Variants in THNSL1 observed in about 807,000 individuals in gnomAD.
THNSL1 encodes threonine synthase like 1, also known as threonine synthase-like 1.
Under a neutral mutation model 50.4 loss-of-function variants are expected in THNSL1, and 48 were observed. That is an observed-to-expected ratio of 0.95 (90% confidence interval 0.76 to 1.21). The LOEUF (loss-of-function observed/expected upper bound fraction) is 1.21. Ranked by LOEUF, THNSL1 falls within the 50% of genes most tolerant of loss-of-function variation. The probability of loss-of-function intolerance (pLI) is 0.00; values close to 1 mark genes in which losing one functional copy is unlikely to be tolerated. For missense variants in THNSL1, 896 were observed against 871.7 expected (o/e 1.03, Z -0.35); for synonymous variants, 309 against 306.1 (o/e 1.01, Z -0.10).
chr10:25,004,639 A>C, the THNSL1 span, among the ~76,000 whole-genome samples: 3 of 152,042 alleles, frequency 2.0e-5, no homozygotes, highest in East Asian at 1.9e-4. Flanking sequence ...AATTTGTTTA[A>C]GTTTCTTATA....
At position 25,025,559 on chromosome 10, in the gene THNSL1, CTA is replaced by C. The variant is rs1850833907; in HGVS notation, c.*108_*109del. The C allele has an allele frequency of 2.7e-6, 3 of 1,124,906 alleles. No homozygotes were observed. The highest frequency in any genetic ancestry group is 1.6e-5 in the African/African-American group (1 of 63,058). 69.7% of individuals were successfully genotyped at this position (1,124,906 alleles called of 1,614,324 possible). A position where few individuals can be genotyped will look rare whatever the true frequency, so the allele number is the denominator to read the frequency against. ...CATTTTGTCTTTTATGTAAATATCT[CTA>C]TATCTGTTTGGAATTTCAAAAGTCT... On this transcript the variant is annotated 3_prime_UTR_variant, in exon 3 of 3. Coordinates refer to ENST00000376356, the MANE Select transcript of THNSL1 (RefSeq NM_024838.5).
chr10:24,984,720 A>G, the THNSL1 span: 1 of 1,586,752 alleles, frequency 6.3e-7, no homozygotes, highest in Middle Eastern at 1.7e-4. Context: ...GTTATACTTT[A>G]AAGATCCATT....
chr10:25,010,162 TAA>T, the THNSL1 span, among the ~76,000 whole-genome samples: 2 of 152,230 alleles, frequency 1.3e-5, no homozygotes, highest in African/African-American at 4.8e-5. Context: ...TTGATAGCAA[TAA>T]AGACAATAAA....
At chr10:24,975,264 C>T in the THNSL1 span, among the ~76,000 whole-genome samples, 5 of 152,216 alleles carry the variant, frequency 3.3e-5, no homozygotes, top group African/African-American at 9.6e-5. Flanking sequence ...AAGGTTTGTC[C>T]TCAGTATTGG....
At chr10:24,958,592 G>C in the THNSL1 span, among the ~76,000 whole-genome samples, 1 of 152,316 alleles carries the variant, frequency 6.6e-6, no homozygotes, top group African/African-American at 2.4e-5. Flanking sequence ...TCTCTTGTTT[G>C]AAGCAGACTG....
the THNSL1 span, among the ~76,000 whole-genome samples, chr10:24,963,601 A>G: frequency 6.6e-6 from 1 of 152,210 alleles, no homozygotes; most frequent in African/African-American, 2.4e-5. Flanking sequence ...GACATTACAC[A>G]TGTTCTAAAA....
At position 25,021,870 on chromosome 10, in the gene THNSL1, G is replaced by C. The variant is rs1850725592; in HGVS notation, c.-87G>C. The C allele has an allele frequency of 6.6e-6, 1 of 152,176 alleles. No individual in the cohort carries two copies. Among genetic ancestry groups the C allele is most frequent in the Non-Finnish European group, 1.5e-5 (1 of 67,994 alleles). 9.4% of individuals were successfully genotyped at this position (152,176 alleles called of 1,614,324 possible). A position where few individuals can be genotyped will look rare whatever the true frequency, so the allele number is the denominator to read the frequency against. On this transcript the variant is annotated 5_prime_UTR_variant, in exon 2 of 3. Coordinates refer to ENST00000376356, the MANE Select transcript of THNSL1 (RefSeq NM_024838.5). ...ACATATAAATTGAAAAGTCAAATAAGGAAATGAATTACCTCCCTTGACGGC... is the reference window on the plus strand; with the variant it reads ...ACATATAAATTGAAAAGTCAAATAACGAAATGAATTACCTCCCTTGACGGC...
Position 25,023,355 on chromosome 10 carries a change from G to C in THNSL1, c.132G>C (p.Lys44Asn), listed in dbSNP as rs1328065557. 6.2e-7 allele frequency: 1 copy of C among 1,614,158 alleles called. No homozygotes were observed. Among genetic ancestry groups the C allele is most frequent in the East Asian group, 2.2e-5 (1 of 44,874 alleles). Residue 44 changes from lysine (K) to asparagine (N), a missense_variant, in exon 3 of 3, where the codon AAG becomes AAC. Physicochemically the swap from Lys to Asn is moderately conservative, Grantham distance 94. Transcript: ENST00000376356. Reference protein sequence around the residue: ...SRTFALAELRKSWYSTHSLVG... With the variant: ...SRTFALAELRNSWYSTHSLVG... ...CCTTTGCACTTGCGGAATTGAGGAA[G>C]TCATGGTATTCAACCCACTCTCTTG...
At chr10:24,964,864 A>G in the THNSL1 span, among the ~76,000 whole-genome samples, 18 of 152,108 alleles carry the variant, frequency 1.2e-4, no homozygotes, top group African/African-American at 4.3e-4. Flanking sequence ...GGAGTTCAAG[A>G]CCAGCCTGGG....
the THNSL1 span, among the ~76,000 whole-genome samples, chr10:24,990,020 A>T: frequency 6.6e-6 from 1 of 152,212 alleles, no homozygotes; most frequent in Non-Finnish European, 1.5e-5. Flanking sequence ...AAAATTTTGG[A>T]CATTTGCCTT....
At chr10:24,991,210 T>G in the THNSL1 span, among the ~76,000 whole-genome samples, 1 of 152,036 alleles carries the variant, frequency 6.6e-6, no homozygotes, top group African/African-American at 2.4e-5. Context: ...CTTTTCTACC[T>G]TCTACGTTCT....
At chr10:25,006,291 T>C in the THNSL1 span, among the ~76,000 whole-genome samples, 1 of 152,206 alleles carries the variant, frequency 6.6e-6, no homozygotes, top group Admixed American at 6.5e-5. Context: ...AGATTTAATG[T>C]AGAAGTGCGG....
At chr10:24,984,220 T>C in the THNSL1 span, 1 of 814,316 alleles carries the variant, frequency 1.2e-6, no homozygotes, top group Non-Finnish European at 1.9e-6. Flanking sequence ...TGGGAATAAC[T>C]GCAAATGTCA....
the THNSL1 span, among the ~76,000 whole-genome samples, chr10:24,965,647 G>A: frequency 1.3e-5 from 2 of 152,164 alleles, no homozygotes; most frequent in African/African-American, 2.4e-5. Context: ...TCTATGGATG[G>A]ATACTCAGTC....
At chr10:24,966,496 C>T in the THNSL1 span, among the ~76,000 whole-genome samples, 1 of 152,200 alleles carries the variant, frequency 6.6e-6, no homozygotes, top group Non-Finnish European at 1.5e-5. Flanking sequence ...ATTAACTGAG[C>T]AGCCTGGGCT....
the THNSL1 span, chr10:24,984,178 A>G: frequency 1.9e-6 from 1 of 522,510 alleles, no homozygotes; most frequent in Non-Finnish European, 3.2e-6. Context: ...TTCATCATAT[A>G]CAGTGTTACG....
chr10:24,991,382 C>G, the THNSL1 span, among the ~76,000 whole-genome samples: 1 of 151,968 alleles, frequency 6.6e-6, no homozygotes, highest in Non-Finnish European at 1.5e-5. Flanking sequence ...AAAACTTATG[C>G]CTCCATCCTG....
intron 1 of THNSL1, among the ~76,000 whole-genome samples, chr10:25,019,652 A>G (rs1850678593): frequency 6.6e-6 from 1 of 152,234 alleles, no homozygotes; most frequent in Non-Finnish European, 1.5e-5. Flanking sequence ...ACCATTTTAT[A>G]TAAAGGACTT....
At chr10:24,998,770 T>C in the THNSL1 span, among the ~76,000 whole-genome samples, 1 of 152,106 alleles carries the variant, frequency 6.6e-6, no homozygotes. Context: ...TATATAATTT[T>C]TGAGGCCCAG....
Sources: gnomAD v4.1 joint callset for allele counts (sites outside exome capture counted in the v4.1 genomes callset) on GRCh38, gnomAD v4.1.1 for gene constraint, MANE v1.5 for transcripts, NCBI Gene and HGNC (gene_info 2026-07-23, HGNC 2026-07-21) for gene names.